Variants in CDIN1 observed in about 807,000 individuals in gnomAD.
The protein encoded by CDIN1 is CDAN1-interacting nuclease 1.
CDIN1 carries 33 observed loss-of-function variants against 45.3 expected under a neutral mutation model. That is an observed-to-expected ratio of 0.73 (90% CI 0.55 to 0.97). The LOEUF (loss-of-function observed/expected upper bound fraction) is 0.97. Among genes scored for constraint, CDIN1 ranks in the 50% least tolerant of loss-of-function variants. The pLI is 0.00. For synonymous variants in CDIN1, 118 were observed against 124.4 expected (o/e 0.95, Z 0.34); for missense variants, 303 against 339.4 (o/e 0.89, Z 0.84).
At chr15:36,617,768 A>G (rs1468431975) in intron 1 of CDIN1, 15 of 811,992 alleles carry the variant, frequency 1.8e-5, no homozygotes, top group Non-Finnish European at 2.9e-5. Flanking sequence ...CCCCAAAGTG[A>G]TAAGTTGTGA....
chr15:36,661,963 CTAT>C (rs1171725621), intron 5 of CDIN1, among the ~76,000 whole-genome samples: 21 of 152,236 alleles, frequency 1.4e-4, no homozygotes, highest in African/African-American at 4.8e-4. Context: ...AAGGTGAACA[CTAT>C]TATTAATAGG....
At chr15:36,689,601 G>A (rs995575766) in intron 5 of CDIN1, among the ~76,000 whole-genome samples, 7 of 152,174 alleles carry the variant, frequency 4.6e-5, no homozygotes, top group African/African-American at 1.7e-4. Context: ...GGTAATGAAA[G>A]GTATGGACAA....
At chr15:36,620,769 A>C (rs945762274) in intron 1 of CDIN1, among the ~76,000 whole-genome samples, 2 of 138,650 alleles carry the variant, frequency 1.4e-5, no homozygotes, top group African/African-American at 5.5e-5. Flanking sequence ...ATAGTGTAGA[A>C]GTAAAATATT....
chr15:36,635,904 C>T (rs184714171), intron 1 of CDIN1, among the ~76,000 whole-genome samples: 5 of 151,642 alleles, frequency 3.3e-5, no homozygotes, highest in Non-Finnish European at 4.4e-5. Flanking sequence ...AAGAAAATAC[C>T]GGAATGTAAC....
chr15:36,771,876 A>T (rs4497640), intron 10 of CDIN1, among the ~76,000 whole-genome samples: 6 of 150,544 alleles, frequency 4.0e-5, no homozygotes, highest in African/African-American at 1.2e-4. Flanking sequence ...TGCAGTGAGC[A>T]GAGATGGCGC....
At chr15:36,695,340 A>G (rs774003591) in intron 7 of CDIN1, among the ~76,000 whole-genome samples, 1 of 152,170 alleles carries the variant, frequency 6.6e-6, no homozygotes, top group Non-Finnish European at 1.5e-5. Flanking sequence ...AATGAAGGTA[A>G]TGATTCACAT....
intron 10 of CDIN1, among the ~76,000 whole-genome samples, chr15:36,760,423 C>T (rs576417125): frequency 9.8e-5 from 15 of 152,316 alleles, no homozygotes; most frequent in African/African-American, 3.4e-4. Flanking sequence ...GATGCCAAGA[C>T]ATTTTCATTT....
chr15:36,608,819 A>C (rs1420197403), intron 1 of CDIN1, among the ~76,000 whole-genome samples: 10 of 152,146 alleles, frequency 6.6e-5, no homozygotes, highest in Non-Finnish European at 1.5e-4. Flanking sequence ...ATTAAAAAAA[A>C]ACTTGGCAAG....
chr15:36,773,601 A>G (rs546497409), intron 10 of CDIN1, among the ~76,000 whole-genome samples: 1 of 152,314 alleles, frequency 6.6e-6, no homozygotes, highest in Admixed American at 6.5e-5. Context: ...GCCTTAAAGT[A>G]TGGGATGAAA....
At chr15:36,703,380 A>ATATACATG (rs2042736132) in intron 8 of CDIN1, among the ~76,000 whole-genome samples, 2 of 16,338 alleles carry the variant, frequency 1.2e-4, no homozygotes, top group Non-Finnish European at 2.1e-4. Context: ...TCATATATAT[A>ATATACATG]TATATCAGAT....
intron 10 of CDIN1, among the ~76,000 whole-genome samples, chr15:36,794,466 C>T (rs1333457355): frequency 2.6e-5 from 4 of 152,172 alleles, no homozygotes; most frequent in Non-Finnish European, 5.9e-5. Flanking sequence ...CTTTCTCCTA[C>T]CCTTGGCAGC....
At chr15:36,726,996 G>A (rs1313527026) in intron 10 of CDIN1, among the ~76,000 whole-genome samples, 2 of 152,070 alleles carry the variant, frequency 1.3e-5, no homozygotes, top group Non-Finnish European at 2.9e-5. Context: ...ACAGAACAAA[G>A]TTCTGTTGTT....
At chr15:36,782,567 A>AAAGAGC (rs1491165142) in intron 10 of CDIN1, among the ~76,000 whole-genome samples, 2 of 152,220 alleles carry the variant, frequency 1.3e-5, no homozygotes, top group Non-Finnish European at 2.9e-5. Flanking sequence ...AGAGAAAGAG[A>AAAGAGC]AAGAGCTTAC....
chr15:36,695,162 A>G lies in CDIN1; in HGVS notation c.477-2161A>G, dbSNP rs537581564. Among the ~76,000 whole-genome samples the G allele has an allele frequency of 3.3e-5, 5 of 152,294 alleles. No individual in the cohort carries two copies. The East Asian group carries it at 9.6e-4, about 29-fold the overall frequency. On this transcript the variant is annotated intron_variant, in intron 7 of 10. Coordinates refer to ENST00000566621, the MANE Select transcript of CDIN1 (RefSeq NM_001321759.2). ...TCTTGAATTCTAAGATTTAAACCAT[A>G]TTCACCTGTATGTATTGGTAAAATG...
chr15:36,676,031 C>A (rs1024752797), intron 5 of CDIN1, among the ~76,000 whole-genome samples: 1 of 151,946 alleles, frequency 6.6e-6, no homozygotes, highest in African/African-American at 2.4e-5. Flanking sequence ...GCGGTGTTTT[C>A]CTTGAAAGTT....
chr15:36,616,689 C>T (rs1208702432), intron 1 of CDIN1, among the ~76,000 whole-genome samples: 1 of 152,066 alleles, frequency 6.6e-6, no homozygotes, highest in South Asian at 2.1e-4. Context: ...CTGAGGTGGG[C>T]GGATCACAAG....
At chr15:36,707,324 A>T (rs555316862) in intron 8 of CDIN1, 1 of 152,002 alleles carries the variant, frequency 6.6e-6, no homozygotes, top group South Asian at 2.1e-4. Context: ...GGGTGTGTGT[A>T]TGTGAGAGAG....
At chr15:36,640,915 A>G (rs2040078119) in intron 1 of CDIN1, among the ~76,000 whole-genome samples, 1 of 152,242 alleles carries the variant, frequency 6.6e-6, no homozygotes. Context: ...GCAATATAAC[A>G]TGAGAAGAAA....
At chr15:36,602,239 A>G (rs2038142161) in intron 1 of CDIN1, among the ~76,000 whole-genome samples, 1 of 152,188 alleles carries the variant, frequency 6.6e-6, no homozygotes, top group Non-Finnish European at 1.5e-5. Context: ...TAACTCTTCT[A>G]ATGTCCTCCA....
Sources: allele counts gnomAD v4.1 joint callset (sites outside exome capture counted in the v4.1 genomes callset), GRCh38; gene constraint gnomAD v4.1.1; transcripts MANE v1.5; gene names NCBI Gene and HGNC (gene_info 2026-07-23, HGNC 2026-07-21).